TUFT1: variants seen among roughly 807,000 people sequenced by gnomAD.
TUFT1 encodes tuftelin 1, also known as tuftelin.
In TUFT1, 43 loss-of-function variants were observed where a neutral mutation model predicts 57.8. The observed-to-expected ratio is 0.74, with a 90% CI of 0.58 to 0.96. TUFT1 has a LOEUF of 0.96. TUFT1 is among the 40% of genes least tolerant of loss of function. The pLI, the probability that TUFT1 is intolerant of heterozygous loss-of-function variation, is 0.00. For synonymous variants in TUFT1, 166 were observed against 176.7 expected, an observed-to-expected ratio of 0.94 and a Z score of 0.48; for missense variants, 459 against 489.0, an observed-to-expected ratio of 0.94 and a Z score of 0.58.
chr1:151,545,010 G>C (rs1665287164), intron 1 of TUFT1, among the ~76,000 whole-genome samples: 1 of 152,102 alleles, frequency 6.6e-6, no homozygotes. Context: ...ATAGCATTGT[G>C]GTCAAGAGCA....
intron 1 of TUFT1, among the ~76,000 whole-genome samples, chr1:151,543,842 C>G (rs895211384): frequency 1.3e-5 from 2 of 152,120 alleles, no homozygotes; most frequent in Non-Finnish European, 1.5e-5. Context: ...CTCCAAAGAC[C>G]CAAGTGTTGT....
chr1:151,565,895 A>G (rs1558009890), intron 5 of TUFT1: 3 of 354,774 alleles, frequency 8.5e-6, no homozygotes, highest in Non-Finnish European at 5.3e-6. Flanking sequence ...AGGCCGCATA[A>G]CATCTCTCCA....
intron 5 of TUFT1, among the ~76,000 whole-genome samples, chr1:151,565,654 A>G (rs1666046974): frequency 6.6e-6 from 1 of 152,216 alleles, no homozygotes; most frequent in Non-Finnish European, 1.5e-5. Flanking sequence ...TCATATGATG[A>G]ATAATCAGGC....
chr1:151,581,670 C>T lies in TUFT1; in HGVS notation c.1136C>T (p.Pro379Leu), dbSNP rs774343044. Reference sequence around the variant, plus strand: ...ATTAGGATATCCAAGCCGCCTAGCCCGAAGCCCATGCCTGTCATCCGAGTG... The same window carrying T: ...ATTAGGATATCCAAGCCGCCTAGCCTGAAGCCCATGCCTGTCATCCGAGTG... ...GSIRISKPPSPKPMPVIRVVE... is the reference protein window; with the variant it reads ...GSIRISKPPSLKPMPVIRVVE... The change falls in exon 13 of 13, where the codon CCG becomes CTG. Residue 379 changes from proline (P) to leucine (L), a missense_variant. By Grantham distance (98) the Pro-to-Leu change is moderately conservative (BLOSUM62 -3). Transcript: ENST00000368849. 18 of 1,614,018 alleles carry T rather than the reference C, an allele frequency of 1.1e-5. No individual in the cohort carries two copies. Among genetic ancestry groups the T allele is most frequent in the African/African-American group, 2.7e-5 (2 of 74,906 alleles).
intron 5 of TUFT1, 39 bp downstream of exon 5, chr1:151,564,653 A>G: frequency 6.5e-7 from 1 of 1,534,222 alleles, no homozygotes; most frequent in Non-Finnish European, 9.0e-7. Flanking sequence ...CCCACCGAGG[A>G]GGTGGGGTTG....
intron 2 of TUFT1, 76 bp from the exon 3 acceptor site, chr1:151,562,509 C>A: frequency 2.4e-6 from 3 of 1,255,548 alleles, no homozygotes; most frequent in Non-Finnish European, 3.4e-6. Context: ...AGCTGAGGGG[C>A]AGGAGTTCTG....
At chr1:151,579,614 C>T in intron 10 of TUFT1, 35 bp from the exon 11 acceptor site, 1 of 1,610,974 alleles carries the variant, frequency 6.2e-7, no homozygotes, top group Non-Finnish European at 8.5e-7. Flanking sequence ...TGAGTCATTG[C>T]AAAATGAGCT....
intron 1 of TUFT1, among the ~76,000 whole-genome samples, chr1:151,541,927 C>G (rs546447456): frequency 5.9e-5 from 9 of 152,198 alleles, no homozygotes; most frequent in Non-Finnish European, 1.2e-4. Flanking sequence ...CATAGCACAC[C>G]ACAGCCTTGA....
At chr1:151,569,588 A>AG in intron 6 of TUFT1, 69 bp from the exon 7 acceptor site, 1 of 1,282,530 alleles carries the variant, frequency 7.8e-7, no homozygotes, top group South Asian at 1.2e-5. Flanking sequence ...TGTGCCTGGG[A>AG]GGGGGGACCT....
At position 151,562,081 on chromosome 1, in the gene TUFT1, T is replaced by C; in HGVS notation, c.61-10T>C. ...TGAGGGGTTATTGTTGCTGTCATTG[T>C]CATTATTAGGGCAGCGTGGACATTC... On this transcript the variant is annotated splice_polypyrimidine_tract_variant and intron_variant, in intron 1 of 12. Coordinates refer to ENST00000368849, the MANE Select transcript of TUFT1 (RefSeq NM_020127.3). The C allele has an allele frequency of 6.2e-7, 1 of 1,613,836 alleles. No individual in the cohort carries two copies. The highest frequency in any genetic ancestry group is 8.5e-7 in the Non-Finnish European group (1 of 1,179,746).
intron 5 of TUFT1, among the ~76,000 whole-genome samples, chr1:151,565,660 C>T (rs1048603333): frequency 6.6e-6 from 1 of 152,222 alleles, no homozygotes; most frequent in African/African-American, 2.4e-5. Flanking sequence ...GATGAATAAT[C>T]AGGCTTTGGG....
intron 7 of TUFT1, among the ~76,000 whole-genome samples, chr1:151,571,142 G>A (rs1666238236): frequency 6.6e-6 from 1 of 152,156 alleles, no homozygotes; most frequent in African/African-American, 2.4e-5. Flanking sequence ...GCTAGGAGCT[G>A]GTAAAAAGAG....
chr1:151,557,949 A>T, intron 1 of TUFT1: 1 of 630,310 alleles, frequency 1.6e-6, no homozygotes, highest in Non-Finnish European at 3.0e-6. Context: ...AAAATTGGAG[A>T]GGATTATTTT....
At chr1:151,548,533 C>T (rs1203427434) in intron 1 of TUFT1, among the ~76,000 whole-genome samples, 4 of 152,116 alleles carry the variant, frequency 2.6e-5, no homozygotes, top group African/African-American at 9.7e-5. Context: ...AATCTCTTAA[C>T]CTCGTGATTC....
At chr1:151,546,007 T>C in intron 1 of TUFT1, 1 of 273,912 alleles carries the variant, frequency 3.7e-6, no homozygotes, top group Non-Finnish European at 7.8e-6. Flanking sequence ...TTTTTTCTTT[T>C]TTTTTTTTTT....
At chr1:151,540,472 T>G (rs1665124626) in intron 1 of TUFT1, 46 bp downstream of exon 1, 15 of 1,610,618 alleles carry the variant, frequency 9.3e-6, no homozygotes, top group Middle Eastern at 3.3e-4. Context: ...GTATTCCCGG[T>G]TTCTAAGTCC....
intron 1 of TUFT1, among the ~76,000 whole-genome samples, chr1:151,552,432 G>A (rs900917295): frequency 3.9e-5 from 6 of 152,066 alleles, no homozygotes; most frequent in Non-Finnish European, 8.8e-5. Context: ...GCCCGGGCGC[G>A]GTGGCTCACG....
At chr1:151,542,409 G>C (rs1297081767) in intron 1 of TUFT1, among the ~76,000 whole-genome samples, 3 of 139,252 alleles carry the variant, frequency 2.2e-5, no homozygotes, top group African/African-American at 5.2e-5. Flanking sequence ...TTTTTTTTCT[G>C]TTGGTAGAGA....
intron 9 of TUFT1, among the ~76,000 whole-genome samples, chr1:151,576,980 C>T (rs1412153834): frequency 6.6e-6 from 1 of 152,092 alleles, no homozygotes; most frequent in Non-Finnish European, 1.5e-5. Flanking sequence ...TGCCATGTTG[C>T]CCAGGCTGGT....
Sources: gnomAD v4.1 joint callset for allele counts (sites outside exome capture counted in the v4.1 genomes callset) on GRCh38, gnomAD v4.1.1 for gene constraint, MANE v1.5 for transcripts, NCBI Gene and HGNC (gene_info 2026-07-23, HGNC 2026-07-21) for gene names.